Variants in TEX9 observed in about 807,000 individuals in gnomAD.
TEX9 encodes testis expressed 9.
Under a neutral mutation model 59.6 loss-of-function variants are expected in TEX9, and 74 were observed. The ratio of observed to expected loss-of-function variants is 1.24; its 90% confidence interval spans 1.03 to 1.51. The LOEUF is 1.51. TEX9 is among the 40% of genes most tolerant of loss of function. TEX9 has a pLI of 0.00. For missense variants in TEX9, 522 were observed against 447.8 expected, an observed-to-expected ratio of 1.17 and a Z score of -1.49; for synonymous variants, 186 against 152.2, an observed-to-expected ratio of 1.22 and a Z score of -1.64.
At chr15:56,285,860 C>G (rs925697874) in intron 1 of TEX9, among the ~76,000 whole-genome samples, 4 of 151,896 alleles carry the variant, frequency 2.6e-5, no homozygotes, top group African/African-American at 9.7e-5. Context: ...CAAGGTAGTA[C>G]GTGATTATTA....
intron 1 of TEX9, among the ~76,000 whole-genome samples, chr15:56,294,666 A>T (rs928335104): frequency 1.1e-4 from 16 of 152,192 alleles, no homozygotes; most frequent in African/African-American, 3.9e-4. Context: ...ATATTACCTC[A>T]TTCCTTGGCT....
intron 1 of TEX9, among the ~76,000 whole-genome samples, chr15:56,331,393 A>G (rs2046139671): frequency 6.6e-6 from 1 of 152,226 alleles, no homozygotes; most frequent in Admixed American, 6.5e-5. Context: ...AGGATAGACC[A>G]TATGTTAGCA....
At chr15:56,275,646 A>G (rs905556716) in intron 1 of TEX9, among the ~76,000 whole-genome samples, 1 of 151,774 alleles carries the variant, frequency 6.6e-6, no homozygotes, top group Admixed American at 6.6e-5. Flanking sequence ...TATTATTGTT[A>G]TATATTTTGT....
chr15:56,415,661 G>C (rs2049642019), intron 10 of TEX9, among the ~76,000 whole-genome samples: 1 of 151,862 alleles, frequency 6.6e-6, no homozygotes. Flanking sequence ...AGTATAGTTT[G>C]AAGTCACACA....
intron 2 of TEX9, among the ~76,000 whole-genome samples, chr15:56,372,465 C>T (rs1372221384): frequency 6.6e-6 from 1 of 152,118 alleles, no homozygotes; most frequent in Non-Finnish European, 1.5e-5. Context: ...AGAAATGTGA[C>T]ATCTCAACAG....
intron 1 of TEX9, among the ~76,000 whole-genome samples, chr15:56,332,372 A>G (rs1421619387): frequency 1.8e-4 from 28 of 151,572 alleles, no homozygotes; most frequent in Admixed American, 5.3e-4. Flanking sequence ...CGCAAGAACA[A>G]AAAACCAAAC....
the TEX9 span, among the ~76,000 whole-genome samples, chr15:56,454,358 A>G: frequency 1.4e-5 from 1 of 70,214 alleles, no homozygotes; most frequent in Non-Finnish European, 3.3e-5. Flanking sequence ...GTTACAAACA[A>G]TCCAATTATA....
chr15:56,323,010 A>G (rs894878929), intron 1 of TEX9, among the ~76,000 whole-genome samples: 2 of 152,112 alleles, frequency 1.3e-5, no homozygotes, highest in African/African-American at 4.8e-5. Flanking sequence ...GAACGGAGGC[A>G]CAGCTATGGC....
chr15:56,306,257 C>CAAAAAAAAAAAAAAAAAA (rs55882329), intron 1 of TEX9, among the ~76,000 whole-genome samples: 3 of 79,450 alleles, frequency 3.8e-5, no homozygotes, highest in Non-Finnish European at 4.5e-5. Flanking sequence ...AGGTACATAG[C>CAAAAAAAAAAAAAAAAAA]AAAAAAAAAA....
At chr15:56,339,681 C>T (rs1473282931) in intron 1 of TEX9, among the ~76,000 whole-genome samples, 1 of 152,034 alleles carries the variant, frequency 6.6e-6, no homozygotes, top group East Asian at 1.9e-4. Context: ...TACGTCCCCC[C>T]GCCAATTTAT....
chr15:56,292,788 C>A (rs1483411050), intron 1 of TEX9, among the ~76,000 whole-genome samples: 2 of 152,156 alleles, frequency 1.3e-5, no homozygotes, highest in Non-Finnish European at 1.5e-5. Context: ...CAATAGCTGA[C>A]TGATATGGCG....
At chr15:56,377,266 G>A (rs1447622246) in intron 3 of TEX9, among the ~76,000 whole-genome samples, 3 of 152,058 alleles carry the variant, frequency 2.0e-5, no homozygotes, top group Non-Finnish European at 1.5e-5. Context: ...ATAAATTTTA[G>A]GATTGTTTTT....
intron 1 of TEX9, among the ~76,000 whole-genome samples, chr15:56,359,880 A>T (rs1468177412): frequency 2.6e-5 from 4 of 152,176 alleles, no homozygotes; most frequent in African/African-American, 9.7e-5. Flanking sequence ...ATTTTGTGGA[A>T]GTTCTTTATC....
rs761636871 is a variant in TEX9, at chr15:56,365,699, TTC to T, written c.119+31_119+32del. ...AGAAATTCGGCGGTTGAACTTTTCC[TTC>T]TTTCTTTCATCTGAATGAGGCTGCT... On this transcript the variant is annotated intron_variant, in intron 2 of 12. Transcript: ENST00000352903. 11 of 1,613,604 alleles carry T rather than the reference TTC, an allele frequency of 6.8e-6. No homozygotes were observed. The South Asian group carries it at 1.2e-4, about 18-fold the overall frequency.
intron 1 of TEX9, among the ~76,000 whole-genome samples, chr15:56,268,058 T>G (rs2044431263): frequency 6.6e-6 from 1 of 152,180 alleles, no homozygotes; most frequent in Admixed American, 6.5e-5. Context: ...TAAGTTGGAT[T>G]CGTAGGTATT....
chr15:56,439,170 T>C (rs2140345063), intron 12 of TEX9, among the ~76,000 whole-genome samples: 1 of 152,146 alleles, frequency 6.6e-6, no homozygotes, highest in Middle Eastern at 3.4e-3. Flanking sequence ...AAGCTAACAT[T>C]CCATTTACGA....
At chr15:56,388,625 A>G (rs902324786) in intron 5 of TEX9, 105 bp downstream of exon 5, 6 of 896,964 alleles carry the variant, frequency 6.7e-6, no homozygotes, top group Non-Finnish European at 1.1e-5. Context: ...CTCAACAGAA[A>G]TAGAATATGA....
At chr15:56,438,541 C>T (rs532211075) in intron 12 of TEX9, among the ~76,000 whole-genome samples, 1 of 152,172 alleles carries the variant, frequency 6.6e-6, no homozygotes, top group Non-Finnish European at 1.5e-5. Flanking sequence ...CATAAAAACC[C>T]TAGAAGAAAA....
At chr15:56,392,160 T>C (rs542823139) in intron 7 of TEX9, among the ~76,000 whole-genome samples, 1 of 152,316 alleles carries the variant, frequency 6.6e-6, no homozygotes, top group South Asian at 2.1e-4. Context: ...TAGTTTGTAT[T>C]AGATGATCAT....
Sources: allele counts gnomAD v4.1 joint callset (sites outside exome capture counted in the v4.1 genomes callset), GRCh38; gene constraint gnomAD v4.1.1; transcripts MANE v1.5; gene names NCBI Gene and HGNC (gene_info 2026-07-23, HGNC 2026-07-21).